SLMAP: variants seen among roughly 807,000 people sequenced by gnomAD.
SLMAP encodes sarcolemma associated protein, also known as sarcolemmal membrane-associated protein.
A neutral mutation model predicts 128.8 loss-of-function variants in SLMAP; 44 were observed. That is an observed-to-expected ratio of 0.34 (90% CI 0.27 to 0.44). The LOEUF is 0.44. Ranked by LOEUF, SLMAP falls within the 20% of genes least tolerant of loss-of-function variation. The pLI, the probability that SLMAP is intolerant of heterozygous loss-of-function variation, is 1.00. For synonymous variants in SLMAP, 327 were observed against 348.8 expected (o/e 0.94, Z 0.70); for missense variants, 787 against 985.3 (o/e 0.80, Z 2.69).
At chr3:57,905,479 C>T (rs2096508750) in intron 17 of SLMAP, among the ~76,000 whole-genome samples, 1 of 151,974 alleles carries the variant, frequency 6.6e-6, no homozygotes, top group Non-Finnish European at 1.5e-5. Flanking sequence ...ACGGGTTTTA[C>T]CATGTTGCCT....
At chr3:57,809,952 G>A (rs2090640400) in intron 2 of SLMAP, among the ~76,000 whole-genome samples, 1 of 152,194 alleles carries the variant, frequency 6.6e-6, no homozygotes, top group South Asian at 2.1e-4. Context: ...TGAAAGAGCT[G>A]TAACACAAAC....
chr3:57,803,148 CAT>C (rs996815751), intron 2 of SLMAP, among the ~76,000 whole-genome samples: 3 of 152,026 alleles, frequency 2.0e-5, no homozygotes, highest in Non-Finnish European at 4.4e-5. Context: ...TCTAAATAAA[CAT>C]TGAAAACTTT....
intron 2 of SLMAP, among the ~76,000 whole-genome samples, chr3:57,773,456 C>A (rs2081266268): frequency 6.6e-6 from 1 of 152,142 alleles, no homozygotes; most frequent in Admixed American, 6.6e-5. Context: ...TACTTAAAAT[C>A]ACTGTTTCCA....
intron 2 of SLMAP, among the ~76,000 whole-genome samples, chr3:57,813,340 C>T (rs1008778553): frequency 2.0e-5 from 3 of 152,300 alleles, no homozygotes; most frequent in South Asian, 4.1e-4. Context: ...AAGAGATCCT[C>T]CCGCCTTGGC....
At chr3:57,781,269 C>T (rs2083003126) in intron 2 of SLMAP, among the ~76,000 whole-genome samples, 1 of 151,818 alleles carries the variant, frequency 6.6e-6, no homozygotes, top group African/African-American at 2.4e-5. Context: ...CCAAAGGTTT[C>T]TTATTGCAGC....
chr3:57,775,263 C>T (rs1231077522), intron 2 of SLMAP, among the ~76,000 whole-genome samples: 1 of 151,220 alleles, frequency 6.6e-6, no homozygotes, highest in African/African-American at 2.4e-5. Context: ...ACCGTGGTCT[C>T]GATCTCCTGA....
intron 2 of SLMAP, among the ~76,000 whole-genome samples, chr3:57,795,878 A>T (rs1204858979): frequency 2.6e-5 from 4 of 152,058 alleles, no homozygotes; most frequent in Non-Finnish European, 4.4e-5. Flanking sequence ...TTCTGTCTCT[A>T]GGACTTTGCC....
At chr3:57,812,900 A>T (rs1211646546) in intron 2 of SLMAP, among the ~76,000 whole-genome samples, 1 of 151,462 alleles carries the variant, frequency 6.6e-6, no homozygotes, top group Admixed American at 6.6e-5. Flanking sequence ...GATTGTTTTT[A>T]TAATTTCCTT....
At chr3:57,843,722 T>TTTTC (rs910647719) in intron 4 of SLMAP, among the ~76,000 whole-genome samples, 15 of 146,440 alleles carry the variant, frequency 1.0e-4, no homozygotes, top group South Asian at 2.2e-4. Flanking sequence ...CTTTCTTTCT[T>TTTTC]TTTCTTTCTT....
intron 2 of SLMAP, among the ~76,000 whole-genome samples, chr3:57,828,772 T>C (rs1025167296): frequency 6.6e-6 from 1 of 152,090 alleles, no homozygotes; most frequent in African/African-American, 2.4e-5. Context: ...TGGGTTGATA[T>C]TGATGTAAGA....
chr3:57,773,711 T>A (rs942534371), intron 2 of SLMAP, among the ~76,000 whole-genome samples: 7 of 152,210 alleles, frequency 4.6e-5, no homozygotes, highest in African/African-American at 1.4e-4. Context: ...TTAGAGTGAT[T>A]GTAAAATGAT....
At chr3:57,819,902 C>T (rs557566585) in intron 2 of SLMAP, among the ~76,000 whole-genome samples, 13 of 152,164 alleles carry the variant, frequency 8.5e-5, no homozygotes, top group African/African-American at 2.9e-4. Flanking sequence ...CAGGCACACA[C>T]CATCACACCC....
intron 17 of SLMAP, among the ~76,000 whole-genome samples, chr3:57,904,488 A>C (rs2096478024): frequency 6.6e-6 from 1 of 152,250 alleles, no homozygotes; most frequent in African/African-American, 2.4e-5. Context: ...TAAATACCTC[A>C]GTATACATTT....
intron 14 of SLMAP, among the ~76,000 whole-genome samples, chr3:57,877,995 C>T (rs771728591): frequency 9.2e-5 from 14 of 151,624 alleles, no homozygotes; most frequent in Middle Eastern, 6.8e-3. Flanking sequence ...CTACCATACC[C>T]GGCTAATTTT....
At chr3:57,918,724 T>C (rs1311424121) in intron 22 of SLMAP, among the ~76,000 whole-genome samples, 4 of 152,220 alleles carry the variant, frequency 2.6e-5, no homozygotes, top group Admixed American at 6.5e-5. Flanking sequence ...TTGCCTTTTA[T>C]TGATGCACAT....
intron 2 of SLMAP, among the ~76,000 whole-genome samples, chr3:57,795,712 G>T (rs115110080): frequency 0.013 from 1,930 of 152,248 alleles, 29 homozygotes; most frequent in African/African-American, 0.044. Context: ...ACAATTTTAA[G>T]TGTACATTTC....
At position 57,841,333 on chromosome 3, in the gene SLMAP, T is replaced by G; in HGVS notation, c.381T>G (p.Leu127=). The G allele has an allele frequency of 6.2e-7, 1 of 1,610,276 alleles. No homozygotes were observed. Among genetic ancestry groups the G allele is most frequent in the Non-Finnish European group, 8.5e-7 (1 of 1,177,680 alleles). ...THGCIVSTIK[L]FLPDGMEARL... ...GGTGTATTGTTTCCACAATAAAACT[T>G]TTTCTACCAGATGGTATGGAAGCCC... Residue 127 remains leucine, a synonymous_variant, in exon 4 of 25, where the codon CTT becomes CTG. Coordinates refer to ENST00000671191, the MANE Select transcript of SLMAP (RefSeq NM_001377540.1).
chr3:57,880,965 G>A (rs1308179680), intron 14 of SLMAP, among the ~76,000 whole-genome samples: 7 of 152,114 alleles, frequency 4.6e-5, no homozygotes, highest in African/African-American at 1.4e-4. Context: ...GCCGAGGTGG[G>A]CAGATAACGA....
At position 57,861,957 on chromosome 3, in the gene SLMAP, G is replaced by C. The variant is rs1301351558; in HGVS notation, c.837G>C (p.Leu279=). 1 of 1,611,948 alleles carries C rather than the reference G, an allele frequency of 6.2e-7. No individual in the cohort carries two copies. Among genetic ancestry groups the C allele is most frequent in the Non-Finnish European group, 8.5e-7 (1 of 1,178,540 alleles). The change falls in exon 10 of 25, where the codon CTG becomes CTC. Residue 279 remains leucine, a synonymous_variant. Transcript: ENST00000671191. The part of the protein sequence containing the change: ...VRKLSEVERS[L]SNTEDECTHL... The stretch of plus-strand genomic sequence containing the variant: ...GTAAACTTGAATCGCAGCGAAGTCT[G>C]AGTAATACTGAAGATGAATGTACCC...
Sources: allele counts gnomAD v4.1 joint callset (sites outside exome capture counted in the v4.1 genomes callset), GRCh38; gene constraint gnomAD v4.1.1; transcripts MANE v1.5; gene names NCBI Gene and HGNC (gene_info 2026-07-23, HGNC 2026-07-21).